The following PZP variants were observed in gnomAD, a reference collection of about 807,000 sequenced individuals.
PZP encodes the protein pregnancy zone protein.
A neutral mutation model predicts 179.8 loss-of-function variants in PZP; 150 were observed. The ratio of observed to expected loss-of-function variants is 0.83; its 90% CI spans 0.73 to 0.96. The LOEUF is 0.96. PZP is among the 40% of genes least tolerant of loss of function. The probability of loss-of-function intolerance (pLI) is 0.00; values close to 1 mark genes in which losing one functional copy is unlikely to be tolerated. For synonymous variants in PZP, 624 were observed against 652.3 expected, an observed-to-expected ratio of 0.96 and a Z score of 0.66; for missense variants, 1,689 against 1,764.0, an observed-to-expected ratio of 0.96 and a Z score of 0.76.
Position 9,168,864 on chromosome 12 carries a change from T to C in PZP, c.2107+5A>G. On this transcript the variant is annotated splice_donor_5th_base_variant and intron_variant, in intron 17 of 35. Transcript: ENST00000261336. ...AATAAAATTAAAAGCAAATTGCTGTTTTACCTCCATAGTATCCTTGACCTA... is the reference window on the plus strand; with the variant it reads ...AATAAAATTAAAAGCAAATTGCTGTCTTACCTCCATAGTATCCTTGACCTA... 6.2e-7 allele frequency: 1 copy of C among 1,604,532 alleles called. No individual in the cohort carries two copies. The highest frequency in any genetic ancestry group is 8.5e-7 in the Non-Finnish European group (1 of 1,172,660).
chr12:9,194,528 G>A (rs1244212198), intron 10 of PZP, among the ~76,000 whole-genome samples: 47 of 143,988 alleles, frequency 3.3e-4, no homozygotes, highest in Non-Finnish European at 4.8e-4. Context: ...GCAGTGGCGC[G>A]ATCTCGGCTC....
At position 9,169,427 on chromosome 12, in the gene PZP, TA is replaced by T; in HGVS notation, c.2001+2del. ...GCATGTTAATAAGTAGTGAGAATTT[TA>T]CCTTGAGGAAGCTATAAATATCTGC... is the stretch of plus-strand genomic sequence containing the variant. On this transcript the variant is annotated splice_donor_variant, in intron 16 of 35. Coordinates refer to ENST00000261336, the MANE Select transcript of PZP (RefSeq NM_002864.3). LOFTEE classifies it high-confidence loss of function. The T allele has an allele frequency of 6.3e-7, 1 of 1,587,574 alleles. No homozygotes were observed. The highest frequency in any genetic ancestry group is 8.6e-7 in the Non-Finnish European group (1 of 1,167,392).
intron 21 of PZP, among the ~76,000 whole-genome samples, chr12:9,163,175 A>T (rs1941337430): frequency 6.6e-6 from 1 of 151,906 alleles, no homozygotes; most frequent in Non-Finnish European, 1.5e-5. Flanking sequence ...AGAGGTGGAG[A>T]TCAAGAAATT....
downstream of PZP, among the ~76,000 whole-genome samples, chr12:9,144,714 G>T (rs753103792): frequency 6.6e-6 from 1 of 152,158 alleles, no homozygotes; most frequent in Non-Finnish European, 1.5e-5. Context: ...GTGTGGAGGA[G>T]AAGTTTATTG....
chr12:9,139,271 TG>T, the PZP span, among the ~76,000 whole-genome samples: 2 of 152,174 alleles, frequency 1.3e-5, no homozygotes, highest in African/African-American at 4.8e-5. Flanking sequence ...AGTTTAATTT[TG>T]TTGTGGCCAG....
the PZP span, among the ~76,000 whole-genome samples, chr12:9,139,830 CT>C: frequency 7.0e-6 from 1 of 142,548 alleles, no homozygotes; most frequent in Non-Finnish European, 1.6e-5. Context: ...GAGAATAAAC[CT>C]GAGAGGGGAT....
rs766435569 is a variant in PZP at position 9,165,331 on chromosome 12, A to G, written c.2295T>C (p.Pro765=). Residue 765 remains proline (P), a synonymous_variant, in exon 19 of 36, where the codon CCT becomes CCC. Coordinates refer to ENST00000261336, the MANE Select transcript of PZP (RefSeq NM_002864.3). ...SGVAEVGVTV[P]DTITEWKAGA... is the part of the protein sequence containing the mutation. ...CTGCCTTCCACTCGGTGATGGTGTC[A>G]GGGACTGTTACTCCTACCTCAGCCA... is the stretch of plus-strand genomic sequence containing the variant. The G allele has an allele frequency of 9.3e-6, 15 of 1,614,046 alleles. No homozygotes were observed. Among genetic ancestry groups the G allele is most frequent in the Non-Finnish European group, 1.2e-5 (14 of 1,179,996 alleles).
chr12:9,165,103 C>G (rs1249980352), intron 19 of PZP, 36 bp downstream of exon 19: 3 of 1,594,160 alleles, frequency 1.9e-6, no homozygotes, highest in South Asian at 2.2e-5. Flanking sequence ...ATCTTTTGTT[C>G]TACCCACCTT....
intron 20 of PZP, 132 bp from the exon 21 acceptor site, chr12:9,163,921 G>A: frequency 1.6e-6 from 2 of 1,278,764 alleles, no homozygotes; most frequent in Admixed American, 2.5e-5. Context: ...CAAGGTTAAT[G>A]TATACTAAGT....
At chr12:9,150,110 G>T (rs1940235660) in intron 34 of PZP, among the ~76,000 whole-genome samples, 1 of 152,078 alleles carries the variant, frequency 6.6e-6, no homozygotes, top group African/African-American at 2.4e-5. Flanking sequence ...ACACTCATTT[G>T]TCACTAATAG....
intron 2 of PZP, among the ~76,000 whole-genome samples, chr12:9,203,337 C>CTTTT (rs528084441): frequency 1.0e-4 from 12 of 114,584 alleles, no homozygotes; most frequent in East Asian, 2.5e-4. Flanking sequence ...AACTACATTC[C>CTTTT]TTTTTTTTTT....
intron 13 of PZP, among the ~76,000 whole-genome samples, chr12:9,189,887 A>G (rs753051661): frequency 6.6e-6 from 1 of 152,346 alleles, no homozygotes; most frequent in African/African-American, 2.4e-5. Flanking sequence ...AAGCCAATGA[A>G]AAAAAGCTCA....
At chr12:9,146,405 C>T (rs1464758099), downstream of PZP, among the ~76,000 whole-genome samples, 1 of 152,032 alleles carries the variant, frequency 6.6e-6, no homozygotes, top group Non-Finnish European at 1.5e-5. Context: ...TTGAAATTCT[C>T]ACTGCTCATA....
chr12:9,149,141 T>C, intron 35 of PZP, 147 bp from the exon 36 acceptor site: 1 of 712,380 alleles, frequency 1.4e-6, no homozygotes, highest in East Asian at 2.5e-5. Context: ...TGCCATGTGG[T>C]CTGTCATGAC....
At chr12:9,191,857 C>T (rs1399065476) in intron 13 of PZP, among the ~76,000 whole-genome samples, 1 of 152,066 alleles carries the variant, frequency 6.6e-6, no homozygotes, top group Non-Finnish European at 1.5e-5. Flanking sequence ...TTCTTCTCTG[C>T]AATGTTAATT....
At position 9,178,548 on chromosome 12, in the gene PZP, T is replaced by C. The variant is rs111689290; in HGVS notation, c.1839+2435A>G. Among the ~76,000 whole-genome samples the C allele has an allele frequency of 6.6e-5, 10 of 152,312 alleles. 1 individual carries two copies. The highest frequency in any genetic ancestry group is 3.4e-3 in the Middle Eastern group (1 of 294). ...TAAGGAAAGAAAAAATAATGTATGC[T>C]GAGGTTGCCAAGATCTACGGTAAGA... On this transcript the variant is annotated intron_variant, in intron 15 of 35. Coordinates refer to ENST00000261336, the MANE Select transcript of PZP (RefSeq NM_002864.3).
At position 9,148,982 on chromosome 12, in the gene PZP, C is replaced by A. The variant is rs1408406373; in HGVS notation, c.4439G>T (p.Gly1480Val). 1 of 1,611,276 alleles carries A rather than the reference C, an allele frequency of 6.2e-7. No individual in the cohort carries two copies. Among genetic ancestry groups the A allele is most frequent in the Non-Finnish European group, 8.5e-7 (1 of 1,177,506 alleles). Residue 1480 changes from glycine (G) to valine (V), a missense_variant, in exon 36 of 36, where the codon GGA (glycine) becomes GTA (valine). Physicochemically the swap from Gly to Val is moderately radical, Grantham distance 109. This residue lies in a region of PZP where 746 missense variants were observed against 749.2 expected (regional missense o/e 1.00). Transcript: ENST00000261336. ...IAPCSTDTEH[G>V]NV ...CAGCCTGTATGGTCCTCAAACATTT[C>A]CATGCTCTGTATCTATGGAGAAAAG...
At chr12:9,174,888 A>G (rs762065368) in intron 15 of PZP, among the ~76,000 whole-genome samples, 1 of 152,224 alleles carries the variant, frequency 6.6e-6, no homozygotes, top group Non-Finnish European at 1.5e-5. Context: ...CATACTGCCC[A>G]AAGTATTTTA....
chr12:9,162,798 G>T (rs944121853), intron 21 of PZP, 150 bp from the exon 22 acceptor site: 1 of 665,902 alleles, frequency 1.5e-6, no homozygotes, highest in Admixed American at 2.8e-5. Context: ...AAGTTCAAGG[G>T]GACATGTGCA....
Sources: allele counts gnomAD v4.1 joint callset (sites outside exome capture counted in the v4.1 genomes callset), GRCh38; gene constraint gnomAD v4.1.1; regional missense constraint gnomAD v4.1.1; transcripts MANE v1.5; gene names NCBI Gene and HGNC (gene_info 2026-07-23, HGNC 2026-07-21).